CSPP1: variants seen among roughly 807,000 people sequenced by gnomAD.
CSPP1 encodes centrosome and spindle pole associated protein 1.
Under a neutral mutation model 164.4 loss-of-function variants are expected in CSPP1, and 126 were observed. The observed-to-expected ratio is 0.77, with a 90% CI of 0.66 to 0.89. The LOEUF (loss-of-function observed/expected upper bound fraction) is 0.89, where lower values mean the gene tolerates loss of function less well. CSPP1 is among the 40% of genes least tolerant of loss of function. CSPP1 has a pLI of 0.00. For missense variants in CSPP1, 1,395 were observed against 1,449.8 expected, an observed-to-expected ratio of 0.96 and a Z score of 0.61; for synonymous variants, 472 against 476.7, an observed-to-expected ratio of 0.99 and a Z score of 0.13.
chr8:67,149,801 A>C lies in CSPP1; in HGVS notation c.1994A>C (p.His665Pro). 3.8e-6 allele frequency: 6 copies of C among 1,583,550 alleles called. No homozygotes were observed. Among genetic ancestry groups the C allele is most frequent in the Non-Finnish European group, 5.1e-6 (6 of 1,168,828 alleles). Reference protein sequence around the residue: ...GNLITDLNRMHRQNIDAYHNP... With the variant: ...GNLITDLNRMPRQNIDAYHNP... ...CTCTCAGCTGATTTGAATAGGATGC[A>C]CAGACAAAATATAGATGCCTACCAT... Residue 665 changes from histidine to proline, a missense_variant, in exon 18 of 31, where the codon CAC becomes CCC. Transcript: ENST00000678616.
chr8:67,123,969 G>A (rs1316681991), intron 15 of CSPP1, among the ~76,000 whole-genome samples: 1 of 146,236 alleles, frequency 6.8e-6, no homozygotes, highest in Non-Finnish European at 1.5e-5. Flanking sequence ...GTGCGATCTC[G>A]GCTCATTGCA....
intron 17 of CSPP1, among the ~76,000 whole-genome samples, chr8:67,145,793 G>A (rs756139018): frequency 6.6e-6 from 1 of 151,868 alleles, no homozygotes; most frequent in South Asian, 2.1e-4. Context: ...AAAGTGCTGG[G>A]ATTACAGGCA....
At chr8:67,192,455 A>C (rs1463734605) in intron 29 of CSPP1, among the ~76,000 whole-genome samples, 1 of 152,126 alleles carries the variant, frequency 6.6e-6, no homozygotes, top group Non-Finnish European at 1.5e-5. Flanking sequence ...TCTAGTTATC[A>C]ATGTGTGATT....
At chr8:67,140,483 A>G (rs1244601310) in intron 17 of CSPP1, among the ~76,000 whole-genome samples, 1 of 152,004 alleles carries the variant, frequency 6.6e-6, no homozygotes, top group Non-Finnish European at 1.5e-5. Flanking sequence ...AAAGAGTGAA[A>G]CTCTTATTAC....
chr8:67,093,900 T>A (rs889306500), intron 6 of CSPP1, among the ~76,000 whole-genome samples: 4 of 152,096 alleles, frequency 2.6e-5, no homozygotes, highest in African/African-American at 9.7e-5. Flanking sequence ...CATTTATTTT[T>A]AAAAATTTAA....
intron 13 of CSPP1, among the ~76,000 whole-genome samples, chr8:67,117,093 T>C (rs1260517977): frequency 1.3e-5 from 2 of 152,216 alleles, no homozygotes; most frequent in Non-Finnish European, 2.9e-5. Context: ...ACTTCAATTT[T>C]CTCATTTGTA....
intron 4 of CSPP1, among the ~76,000 whole-genome samples, chr8:67,089,245 C>A (rs901709269): frequency 6.6e-6 from 1 of 151,902 alleles, no homozygotes; most frequent in Non-Finnish European, 1.5e-5. Context: ...CCCTTCCTGC[C>A]CAGAGATGGT....
intron 1 of CSPP1, among the ~76,000 whole-genome samples, chr8:67,070,462 C>CAA (rs1211009546): frequency 2.5e-4 from 20 of 79,808 alleles, no homozygotes; most frequent in African/African-American, 7.4e-4. Flanking sequence ...GACTCCATCT[C>CAA]AAAAAAAAAA....
chr8:67,086,317 T>C (rs1810396363), intron 4 of CSPP1: 3 of 603,602 alleles, frequency 5.0e-6, no homozygotes, highest in Admixed American at 2.4e-5. Context: ...GATACAGACT[T>C]TTGACCTTTT....
intron 9 of CSPP1, among the ~76,000 whole-genome samples, chr8:67,109,382 C>T (rs1165823629): frequency 6.6e-6 from 1 of 152,172 alleles, no homozygotes; most frequent in Non-Finnish European, 1.5e-5. Flanking sequence ...AGGGCCCAGT[C>T]CTTCTTCTAA....
At chr8:67,192,315 TC>T (rs1836567779) in intron 29 of CSPP1, among the ~76,000 whole-genome samples, 1 of 152,162 alleles carries the variant, frequency 6.6e-6, no homozygotes, top group Non-Finnish European at 1.5e-5. Flanking sequence ...CCTCGGGTGA[TC>T]CACCTGCCTC....
chr8:67,082,382 A>C (rs1809395964), intron 3 of CSPP1, among the ~76,000 whole-genome samples: 1 of 152,102 alleles, frequency 6.6e-6, no homozygotes, highest in Admixed American at 6.6e-5. Context: ...TCTTTGTCTT[A>C]GGTTTATCCT....
intron 24 of CSPP1, among the ~76,000 whole-genome samples, chr8:67,167,603 G>C (rs1266138971): frequency 1.3e-5 from 2 of 151,022 alleles, no homozygotes; most frequent in African/African-American, 4.9e-5. Flanking sequence ...GGGCGGAGGG[G>C]CTCCTCACTT....
chr8:67,148,066 A>T (rs1482598850), intron 17 of CSPP1, among the ~76,000 whole-genome samples: 2 of 151,250 alleles, frequency 1.3e-5, no homozygotes, highest in Non-Finnish European at 3.0e-5. Context: ...CTACAGGTAC[A>T]TGCCATCATG....
intron 8 of CSPP1, among the ~76,000 whole-genome samples, chr8:67,104,754 C>T (rs1030850872): frequency 7.3e-5 from 11 of 151,656 alleles, no homozygotes; most frequent in South Asian, 6.2e-4. Flanking sequence ...TCTCCTGCCT[C>T]GGCCTCCCGA....
intron 1 of CSPP1, among the ~76,000 whole-genome samples, chr8:67,067,140 T>C (rs1805737125): frequency 6.6e-6 from 1 of 152,188 alleles, no homozygotes; most frequent in African/African-American, 2.4e-5. Context: ...CATGCTCCCA[T>C]AGTGGGGAGG....
chr8:67,163,416 A>G (rs1234459719), intron 22 of CSPP1, among the ~76,000 whole-genome samples: 1 of 152,140 alleles, frequency 6.6e-6, no homozygotes, highest in Non-Finnish European at 1.5e-5. Flanking sequence ...GAAGTTGGAA[A>G]AAAGAATAAT....
At chr8:67,084,389 T>C (rs1047881742) in intron 3 of CSPP1, 4 of 152,220 alleles carry the variant, frequency 2.6e-5, no homozygotes, top group African/African-American at 9.6e-5. Context: ...CACTTATGTT[T>C]ATATTACACT....
intron 22 of CSPP1, among the ~76,000 whole-genome samples, chr8:67,163,091 T>C (rs1233912721): frequency 6.6e-6 from 1 of 152,202 alleles, no homozygotes; most frequent in Non-Finnish European, 1.5e-5. Flanking sequence ...AGGATGGCAG[T>C]GACGGCAGTT....
Sources: gnomAD v4.1 joint callset for allele counts (sites outside exome capture counted in the v4.1 genomes callset) on GRCh38, gnomAD v4.1.1 for gene constraint, MANE v1.5 for transcripts, NCBI Gene and HGNC (gene_info 2026-07-23, HGNC 2026-07-21) for gene names.